The following SLAMF1 variants were observed in gnomAD, a reference collection of about 807,000 sequenced individuals.
SLAMF1 encodes the protein signaling lymphocytic activation molecule family member 1, also known as signaling lymphocytic activation molecule.
SLAMF1 carries 18 observed loss-of-function variants against 35.1 expected under a neutral mutation model. The observed-to-expected ratio is 0.51, with a 90% CI of 0.35 to 0.76. The LOEUF (loss-of-function observed/expected upper bound fraction) is 0.76, where lower values mean the gene tolerates loss of function less well. SLAMF1 is among the 30% of genes least tolerant of loss of function. The pLI is 0.01. For missense variants in SLAMF1, 392 were observed against 413.0 expected (o/e 0.95, Z 0.44); for synonymous variants, 168 against 157.2 (o/e 1.07, Z -0.51).
intron 3 of SLAMF1, chr1:160,634,371 C>G (rs1169587562): frequency 2.0e-6 from 2 of 983,328 alleles, no homozygotes; most frequent in Non-Finnish European, 2.4e-6. Context: ...GAGACTTAGG[C>G]TCTGGGTCTG....
intron 1 of SLAMF1, among the ~76,000 whole-genome samples, chr1:160,645,467 A>G (rs1051827140): frequency 1.3e-5 from 2 of 152,246 alleles, no homozygotes; most frequent in Admixed American, 6.5e-5. Flanking sequence ...CAAAGCCTCA[A>G]TAAGACGAGC....
chr1:160,645,252 T>C (rs1246640834), intron 1 of SLAMF1, among the ~76,000 whole-genome samples: 6 of 152,166 alleles, frequency 3.9e-5, no homozygotes, highest in African/African-American at 1.4e-4. Flanking sequence ...CTTGGGCAAA[T>C]CTGTCATGAC....
chr1:160,610,990 A>G (rs932041900), intron 6 of SLAMF1, among the ~76,000 whole-genome samples, 192 bp from the exon 7 acceptor site: 8 of 152,246 alleles, frequency 5.3e-5, no homozygotes, highest in Non-Finnish European at 1.2e-4. Flanking sequence ...AACAAGGGCC[A>G]CAGCTCCCTT....
intron 5 of SLAMF1, among the ~76,000 whole-genome samples, chr1:160,613,167 T>C (rs924818424): frequency 6.6e-6 from 1 of 152,250 alleles, no homozygotes; most frequent in Non-Finnish European, 1.5e-5. Flanking sequence ...TAAGCTCTTT[T>C]AACTTAAGGT....
intron 4 of SLAMF1, among the ~76,000 whole-genome samples, chr1:160,621,695 C>T (rs1271251799): frequency 1.3e-5 from 2 of 151,242 alleles, no homozygotes; most frequent in Non-Finnish European, 2.9e-5. Context: ...GGGTGTGAGT[C>T]TTGGGGAGGA....
In SLAMF1 at chr1:160,634,862, T is replaced by C. The variant is rs1428477817; in HGVS notation, c.451A>G (p.Lys151Glu). ...GTGCAGGTCCCGTTCTCCTGGGTCT[T>C]GTTTAAAACTTTAATTTCTGGAGTG... The part of the protein sequence containing the change: ...VSTPEIKVLN[K>E]TQENGTCTLI... Residue 151 changes from lysine to glutamate, a missense_variant, in exon 3 of 7, where the codon AAG becomes GAG. Transcript: ENST00000302035. 5.0e-6 allele frequency: 8 copies of C among 1,613,456 alleles called. No homozygotes were observed. Among genetic ancestry groups the C allele is most frequent in the East Asian group, 4.5e-5 (2 of 44,862 alleles).
intron 5 of SLAMF1, among the ~76,000 whole-genome samples, chr1:160,617,087 C>G (rs570934855): frequency 6.6e-6 from 1 of 151,302 alleles, no homozygotes; most frequent in African/African-American, 2.4e-5. Context: ...ACCCAGGAGG[C>G]GGAGGTTGCA....
At chr1:160,640,455 T>C (rs1450256679) in intron 1 of SLAMF1, among the ~76,000 whole-genome samples, 3 of 150,700 alleles carry the variant, frequency 2.0e-5, no homozygotes, top group Non-Finnish European at 4.4e-5. Context: ...TAAGCTAGTG[T>C]TCATAAAAGA....
chr1:160,623,547 C>T (rs1570981240), intron 4 of SLAMF1: 4 of 398,810 alleles, frequency 1.0e-5, no homozygotes, highest in Non-Finnish European at 1.3e-5. Flanking sequence ...TGGGTCAGGA[C>T]ATTTTGACTC....
chr1:160,634,022 T>C (rs1231213539), intron 3 of SLAMF1, among the ~76,000 whole-genome samples: 1 of 152,234 alleles, frequency 6.6e-6, no homozygotes, highest in Non-Finnish European at 1.5e-5. Flanking sequence ...AACTTCACAG[T>C]CCAGGTCTTA....
At chr1:160,626,955 C>A (rs922074434) in intron 3 of SLAMF1, among the ~76,000 whole-genome samples, 1 of 152,174 alleles carries the variant, frequency 6.6e-6, no homozygotes, top group African/African-American at 2.4e-5. Flanking sequence ...CTGACCATCC[C>A]AGCTCTTGTT....
chr1:160,631,290 C>T (rs1660151486), intron 3 of SLAMF1, among the ~76,000 whole-genome samples: 1 of 152,208 alleles, frequency 6.6e-6, no homozygotes, highest in African/African-American at 2.4e-5. Context: ...GGTTCTGAGG[C>T]AGGGAAGGTC....
intron 1 of SLAMF1, among the ~76,000 whole-genome samples, chr1:160,645,633 G>C (rs1055556968): frequency 1.3e-5 from 2 of 152,178 alleles, no homozygotes; most frequent in Non-Finnish European, 2.9e-5. Flanking sequence ...TCACAAATTG[G>C]TTGCAACAAC....
intron 4 of SLAMF1, among the ~76,000 whole-genome samples, chr1:160,621,055 G>A (rs1183138973): frequency 6.6e-6 from 1 of 152,114 alleles, no homozygotes; most frequent in Non-Finnish European, 1.5e-5. Flanking sequence ...CATTTTTCAT[G>A]TTAGCACAGT....
chr1:160,621,073 T>C (rs1659584298), intron 4 of SLAMF1, among the ~76,000 whole-genome samples: 1 of 152,192 alleles, frequency 6.6e-6, no homozygotes, highest in Non-Finnish European at 1.5e-5. Flanking sequence ...AGTAGACCTA[T>C]CTCATTCTTT....
At chr1:160,645,007 G>A (rs907088810) in intron 1 of SLAMF1, among the ~76,000 whole-genome samples, 1 of 152,220 alleles carries the variant, frequency 6.6e-6, no homozygotes, top group African/African-American at 2.4e-5. Flanking sequence ...ATGGGGCAGA[G>A]GGCATATGGG....
Position 160,610,564 on chromosome 1 carries a change from G to A in SLAMF1, c.*184C>T. On this transcript the variant is annotated 3_prime_UTR_variant, in exon 7 of 7. Transcript: ENST00000302035. Reference sequence around the variant, plus strand: ...ACTGCACAGCAAGCTAAATTCTTGGGAAGCCTCACTTCCTTGTTCATTTCA... The same window carrying A: ...ACTGCACAGCAAGCTAAATTCTTGGAAAGCCTCACTTCCTTGTTCATTTCA... 1 of 608,500 alleles carries A rather than the reference G, an allele frequency of 1.6e-6. No homozygotes were observed. Among genetic ancestry groups the A allele is most frequent in the Non-Finnish European group, 3.0e-6 (1 of 335,276 alleles). The allele number at this position is 608,500 out of a possible 1,614,324, so 37.7% of individuals were successfully genotyped here. A position where few individuals can be genotyped will look rare whatever the true frequency, so the allele number is the denominator to read the frequency against.
At chr1:160,628,551 G>T (rs923075283) in intron 3 of SLAMF1, among the ~76,000 whole-genome samples, 1 of 152,206 alleles carries the variant, frequency 6.6e-6, no homozygotes, top group African/African-American at 2.4e-5. Flanking sequence ...AGATGTAGAA[G>T]TCCCACTTTG....
At chr1:160,634,518 T>C in intron 3 of SLAMF1, 95 bp downstream of exon 3, 6 of 1,438,568 alleles carry the variant, frequency 4.2e-6, no homozygotes, top group Non-Finnish European at 5.6e-6. Context: ...GTATTGTTAC[T>C]AAGGTGAATG....
Sources: allele counts gnomAD v4.1 joint callset (sites outside exome capture counted in the v4.1 genomes callset), GRCh38; gene constraint gnomAD v4.1.1; transcripts MANE v1.5; gene names NCBI Gene and HGNC (gene_info 2026-07-23, HGNC 2026-07-21).